Variants in PCDHGB7 observed in about 807,000 individuals in gnomAD.
The protein encoded by PCDHGB7 is protocadherin gamma-B7.
In PCDHGB7, 37 loss-of-function variants were observed where a neutral mutation model predicts 61.4. That is an observed-to-expected ratio of 0.60 (90% confidence interval 0.46 to 0.79). The LOEUF is 0.79. PCDHGB7 is among the 30% of genes least tolerant of loss of function. The pLI is 0.00. For synonymous variants in PCDHGB7, 464 were observed against 503.5 expected (o/e 0.92, Z 1.05); for missense variants, 1,166 against 1,202.5 (o/e 0.97, Z 0.45).
At chr5:141,450,190 G>A (rs1368992094) in intron 1 of PCDHGB7, among the ~76,000 whole-genome samples, 1 of 151,588 alleles carries the variant, frequency 6.6e-6, no homozygotes, top group African/African-American at 2.4e-5. Flanking sequence ...GCTAATTTTT[G>A]TATTTTTAGT....
At position 141,431,359 on chromosome 5, in the gene PCDHGB7, G is replaced by C; in HGVS notation, c.2415+11085G>C. ...CCGAATTGGTGCTGAAACGCGCCCT[G>C]GACCGCGAAGAAAAGGCTGCTCACC... On this transcript the variant is annotated intron_variant, in intron 1 of 3. Coordinates refer to ENST00000398594, the MANE Select transcript of PCDHGB7 (RefSeq NM_018927.4). This position sits in a 1 kb window ranked among gnomAD's most constrained non-coding sequence, Gnocchi z 4.8. The C allele has an allele frequency of 6.2e-7, 1 of 1,614,024 alleles. No homozygotes were observed. Among genetic ancestry groups the C allele is most frequent in the Non-Finnish European group, 8.5e-7 (1 of 1,180,030 alleles).
intron 1 of PCDHGB7, among the ~76,000 whole-genome samples, chr5:141,472,242 A>T (rs1342571385): frequency 6.6e-6 from 1 of 152,186 alleles, no homozygotes; most frequent in East Asian, 1.9e-4. Flanking sequence ...TTCACTTTCT[A>T]TTTTAAAGTT....
At chr5:141,481,913 C>CAAAAA (rs34114744) in intron 1 of PCDHGB7, among the ~76,000 whole-genome samples, 2 of 90,852 alleles carry the variant, frequency 2.2e-5, no homozygotes, top group Non-Finnish European at 4.4e-5. Flanking sequence ...AACTCCATCT[C>CAAAAA]AAAAAAAAAA....
At chr5:141,424,720 G>A (rs530298674) in intron 1 of PCDHGB7, 4 of 152,090 alleles carry the variant, frequency 2.6e-5, no homozygotes, top group Non-Finnish European at 4.4e-5. Flanking sequence ...GTGTAGTTGG[G>A]AGTCATAGAT....
Position 141,429,458 on chromosome 5 carries a change from T to C in PCDHGB7, c.2415+9184T>C, listed in dbSNP as rs561407449. 1.6e-4 allele frequency among the ~76,000 whole-genome samples: 25 copies of C among 152,210 alleles called. 1 individual carries two copies. The South Asian group carries it at 4.6e-3, about 28-fold the overall frequency. ...TCAAACTCTTGGGCTACAGTAATCC[T>C]CCCACCTCAATCTCCAGAGTAGCTG... On this transcript the variant is annotated intron_variant, in intron 1 of 3. Transcript: ENST00000398594.
rs1474849292 is a variant in PCDHGB7 at position 141,454,205 on chromosome 5, G to T, written c.2415+33931G>T. Among the ~76,000 whole-genome samples, 3 of 152,154 alleles carry T rather than the reference G, an allele frequency of 2.0e-5. No individual in the cohort carries two copies. The East Asian group carries it at 5.8e-4, about 29-fold the overall frequency. ...GGAGCTTAGTGAAGGTGAATTTATT[G>T]ACATGAATGAGAAAAGTAATTGTGA... On this transcript the variant is annotated intron_variant, in intron 1 of 3. Coordinates refer to ENST00000398594, the MANE Select transcript of PCDHGB7 (RefSeq NM_018927.4).
At chr5:141,456,635 A>G (rs558958846) in intron 1 of PCDHGB7, among the ~76,000 whole-genome samples, 17 of 152,194 alleles carry the variant, frequency 1.1e-4, no homozygotes, top group Non-Finnish European at 2.2e-4. Context: ...CTTCTTTACT[A>G]CAGGTGTTAA....
intron 1 of PCDHGB7, chr5:141,423,243 C>G (rs2096724455): frequency 6.2e-7 from 1 of 1,613,842 alleles, no homozygotes. Flanking sequence ...TCCCCGAAGT[C>G]CTGGCGGACC....
chr5:141,486,505 T>C lies in PCDHGB7; in HGVS notation c.2416-8302T>C. The C allele has an allele frequency of 6.2e-7, 1 of 1,614,156 alleles. No individual in the cohort carries two copies. ...GTACCCACAGAACTATTTTCCTCAA[T>C]ATTTCAGATGTGAATGATAATCCAC... is the stretch of plus-strand genomic sequence containing the variant. On this transcript the variant is annotated intron_variant, in intron 1 of 3. Coordinates refer to ENST00000398594, the MANE Select transcript of PCDHGB7 (RefSeq NM_018927.4). The surrounding 1 kb of genome is among the most constrained non-coding windows in gnomAD (Gnocchi z 5.0).
chr5:141,438,638 A>G (rs1192725978), intron 1 of PCDHGB7, among the ~76,000 whole-genome samples: 1 of 22,806 alleles, frequency 4.4e-5, no homozygotes, highest in East Asian at 1.6e-3. Flanking sequence ...ATATATATAC[A>G]CACACACACA....
chr5:141,422,883 C>A, intron 1 of PCDHGB7: 1 of 1,614,242 alleles, frequency 6.2e-7, no homozygotes, highest in Non-Finnish European at 8.5e-7. Flanking sequence ...TGAGCCTGTT[C>A]GTGCTGGACC....
In PCDHGB7 at chr5:141,485,234, T is replaced by A. The variant is rs780126313; in HGVS notation, c.2416-9573T>A. 1 of 1,614,124 alleles carries A rather than the reference T, an allele frequency of 6.2e-7. No homozygotes were observed. The highest frequency in any genetic ancestry group is 1.1e-5 in the South Asian group (1 of 91,080). On this transcript the variant is annotated intron_variant, in intron 1 of 3. Transcript: ENST00000398594. This position sits in a 1 kb window ranked among gnomAD's most constrained non-coding sequence, Gnocchi z 5.7. ...GCGGTGGGCTACCCTTTTGTTCCTC[T>A]TTTACCACCTGGGTTACGTTTGTGG...
In PCDHGB7 at chr5:141,432,498, G is replaced by A. The variant is rs766191511; in HGVS notation, c.2415+12224G>A. Reference sequence around the variant, plus strand: ...TCCACTGGCGTGGAGCTGGCTCCCCGCTCCGCAGAGCCCGGCTACCTGGTG... The same window carrying A: ...TCCACTGGCGTGGAGCTGGCTCCCCACTCCGCAGAGCCCGGCTACCTGGTG... On this transcript the variant is annotated intron_variant, in intron 1 of 3. Coordinates refer to ENST00000398594, the MANE Select transcript of PCDHGB7 (RefSeq NM_018927.4). This position sits in a 1 kb window ranked among gnomAD's most constrained non-coding sequence, Gnocchi z 6.0. The A allele has an allele frequency of 1.9e-6, 3 of 1,614,106 alleles. No homozygotes were observed. The highest frequency in any genetic ancestry group is 2.5e-6 in the Non-Finnish European group (3 of 1,180,052).
intron 1 of PCDHGB7, chr5:141,433,272 C>G (rs1161817377): frequency 8.0e-7 from 1 of 1,252,412 alleles, no homozygotes; most frequent in Non-Finnish European, 1.1e-6. Flanking sequence ...TAGCTCACTG[C>G]AGCCTCAAAC....
intron 1 of PCDHGB7, among the ~76,000 whole-genome samples, chr5:141,471,855 G>A (rs955016680): frequency 3.3e-5 from 5 of 152,108 alleles, no homozygotes; most frequent in Non-Finnish European, 7.4e-5. Context: ...TTCAGAAAAA[G>A]CAAAACTGTG....
intron 1 of PCDHGB7, among the ~76,000 whole-genome samples, chr5:141,468,041 T>C (rs972340736): frequency 4.6e-5 from 7 of 152,120 alleles, no homozygotes; most frequent in Admixed American, 3.9e-4. Flanking sequence ...TTTAGAAAAC[T>C]AAGCCGGGCA....
In PCDHGB7 at chr5:141,477,085, G is replaced by A. The variant is rs1420972762; in HGVS notation, c.2416-17722G>A. On this transcript the variant is annotated intron_variant, in intron 1 of 3. Coordinates refer to ENST00000398594, the MANE Select transcript of PCDHGB7 (RefSeq NM_018927.4). This position sits in a 1 kb window ranked among gnomAD's most constrained non-coding sequence, Gnocchi z 4.9. ...CCAAACTCCATGAGATTTACATCCAGGCCAAAGACAAGGGCGCCAATCCCG... is the reference window on the plus strand; with the variant it reads ...CCAAACTCCATGAGATTTACATCCAAGCCAAAGACAAGGGCGCCAATCCCG... 1 of 1,614,262 alleles carries A rather than the reference G, an allele frequency of 6.2e-7. No individual in the cohort carries two copies. The highest frequency in any genetic ancestry group is 1.7e-5 in the Admixed American group (1 of 60,034).
rs561908431 is a variant in PCDHGB7, at chr5:141,510,639, TATC to T, written c.2564-304_2564-302del. Among the ~76,000 whole-genome samples the T allele has an allele frequency of 8.5e-3, 1,289 of 152,298 alleles. 6 individuals carry two copies. Among genetic ancestry groups the T allele is most frequent in the Middle Eastern group, 0.058 (17 of 294 alleles). On this transcript the variant is annotated intron_variant, in intron 3 of 3. Transcript: ENST00000398594. ...TAAAACCAGAAGAGGTGGTTACCAT[TATC>T]ATCCCCATTTTGCAGATGAGAAAAC...
intron 1 of PCDHGB7, among the ~76,000 whole-genome samples, chr5:141,463,205 A>T (rs2099054933): frequency 6.6e-6 from 1 of 152,080 alleles, no homozygotes; most frequent in Non-Finnish European, 1.5e-5. Context: ...AGACTTGGGG[A>T]TCCATATTAA....
Sources: gnomAD v4.1 joint callset for allele counts (sites outside exome capture counted in the v4.1 genomes callset) on GRCh38, gnomAD v4.1.1 for gene constraint, Gnocchi (gnomAD v3.1) non-coding constraint, MANE v1.5 for transcripts, NCBI Gene and HGNC (gene_info 2026-07-23, HGNC 2026-07-21) for gene names.